The following ADAM2 variants were observed in gnomAD, a reference collection of about 807,000 sequenced individuals.
The protein encoded by ADAM2 is disintegrin and metalloproteinase domain-containing protein 2.
Under a neutral mutation model 99.3 loss-of-function variants are expected in ADAM2, and 101 were observed. The ratio of observed to expected loss-of-function variants is 1.02; its 90% CI spans 0.87 to 1.20. The LOEUF (loss-of-function observed/expected upper bound fraction) is 1.20. ADAM2 is among the 50% of genes most tolerant of loss of function. The pLI, the probability that ADAM2 is intolerant of heterozygous loss-of-function variation, is 0.00. For synonymous variants in ADAM2, 323 were observed against 287.6 expected (o/e 1.12, Z -1.25); for missense variants, 948 against 878.7 (o/e 1.08, Z -1.00).
chr8:39,788,308 T>C (rs2129585382), intron 8 of ADAM2, 57 bp from the exon 9 acceptor site: 1 of 1,143,690 alleles, frequency 8.7e-7, no homozygotes, highest in Admixed American at 2.8e-5. Flanking sequence ...AAAAATTAGA[T>C]ATATATGTTT....
intron 11 of ADAM2, among the ~76,000 whole-genome samples, chr8:39,775,073 C>G (rs972022991): frequency 6.6e-6 from 1 of 152,024 alleles, no homozygotes; most frequent in African/African-American, 2.4e-5. Flanking sequence ...TCTGCGGGGC[C>G]CACAGGAAAA....
intron 19 of ADAM2, 26 bp from the exon 20 acceptor site, chr8:39,744,919 T>C (rs2129582481): frequency 6.5e-7 from 1 of 1,544,986 alleles, no homozygotes; most frequent in Non-Finnish European, 8.9e-7. Flanking sequence ...AAAAATAATA[T>C]TATACTTTCT....
intron 4 of ADAM2, among the ~76,000 whole-genome samples, chr8:39,824,503 A>T (rs1441737880): frequency 2.0e-5 from 3 of 152,092 alleles, no homozygotes; most frequent in African/African-American, 7.2e-5. Context: ...TTCTCCTCAG[A>T]TTTAGCTTTC....
intron 7 of ADAM2, among the ~76,000 whole-genome samples, chr8:39,808,475 C>T (rs1026148102): frequency 6.6e-6 from 1 of 152,014 alleles, no homozygotes; most frequent in African/African-American, 2.4e-5. Context: ...TAGAATATTC[C>T]AAATTGTGAA....
At chr8:39,799,691 G>T (rs879059363) in intron 7 of ADAM2, among the ~76,000 whole-genome samples, 3 of 152,146 alleles carry the variant, frequency 2.0e-5, no homozygotes, top group African/African-American at 4.8e-5. Flanking sequence ...AGATCTCTAA[G>T]AACTTGCTTT....
chr8:39,796,909 A>G (rs572690512), intron 7 of ADAM2, among the ~76,000 whole-genome samples: 5 of 151,950 alleles, frequency 3.3e-5, no homozygotes, highest in African/African-American at 1.2e-4. Flanking sequence ...TCTTGTAAAT[A>G]TGTTTAAGTT....
chr8:39,826,189 A>G (rs1805391081), intron 3 of ADAM2, among the ~76,000 whole-genome samples: 1 of 152,228 alleles, frequency 6.6e-6, no homozygotes, highest in South Asian at 2.1e-4. Flanking sequence ...ACTTCAAACT[A>G]TACTGTATAG....
At chr8:39,814,660 A>C (rs1220260622) in intron 6 of ADAM2, among the ~76,000 whole-genome samples, 1 of 152,092 alleles carries the variant, frequency 6.6e-6, no homozygotes, top group East Asian at 1.9e-4. Context: ...TGATTTATCC[A>C]TCAATAAATA....
chr8:39,749,433 CT>C lies in ADAM2; in HGVS notation c.1892del (p.Lys631SerfsTer34). On this transcript the variant is annotated frameshift_variant, in exon 18 of 21. Coordinates refer to ENST00000265708, the MANE Select transcript of ADAM2 (RefSeq NM_001464.5). LOFTEE classifies it high-confidence loss of function. ...CNDRGVCNNK[K>X]HCHCSASYLP... ...AATATGAAGCACTACAGTGACAGTGCTTTTTGTTATTGCATACCTAAAAGAA... is the reference window on the plus strand; with the variant it reads ...AATATGAAGCACTACAGTGACAGTGCTTTTGTTATTGCATACCTAAAAGAA... 2 of 1,612,806 alleles carry C rather than the reference CT, an allele frequency of 1.2e-6. No homozygotes were observed. The highest frequency in any genetic ancestry group is 1.7e-6 in the Non-Finnish European group (2 of 1,179,268).
chr8:39,773,568 C>A (rs959148066), intron 11 of ADAM2, among the ~76,000 whole-genome samples: 1 of 151,156 alleles, frequency 6.6e-6, no homozygotes, highest in Non-Finnish European at 1.5e-5. Flanking sequence ...TAAAAGAGGG[C>A]ATATCACAAA....
chr8:39,796,256 T>C (rs1429161893), intron 7 of ADAM2, among the ~76,000 whole-genome samples: 2 of 152,082 alleles, frequency 1.3e-5, no homozygotes, highest in South Asian at 2.1e-4. Context: ...GCATTCTCAA[T>C]GTTCAGCTCC....
chr8:39,819,483 TGCCCAGATATTAG>T (rs1368029727), intron 6 of ADAM2, among the ~76,000 whole-genome samples: 6 of 152,102 alleles, frequency 3.9e-5, no homozygotes, highest in Admixed American at 3.9e-4. Context: ...TGGGCCACTG[TGCCCAGATATTAG>T]GTCAAACATT....
chr8:39,749,906 C>A (rs1307585546), intron 16 of ADAM2, among the ~76,000 whole-genome samples, 162 bp from the exon 17 acceptor site: 2 of 151,984 alleles, frequency 1.3e-5, no homozygotes, highest in Non-Finnish European at 2.9e-5. Flanking sequence ...ATGTATTGAG[C>A]TACTATGTTT....
intron 6 of ADAM2, among the ~76,000 whole-genome samples, chr8:39,814,776 T>C (rs190768141): frequency 2.0e-5 from 3 of 151,648 alleles, no homozygotes; most frequent in Admixed American, 2.0e-4. Context: ...AGGAGAAAAT[T>C]TGGACTGGGA....
intron 3 of ADAM2, among the ~76,000 whole-genome samples, chr8:39,831,475 C>T (rs1471264518): frequency 1.3e-5 from 2 of 151,988 alleles, no homozygotes; most frequent in Admixed American, 1.3e-4. Context: ...AATGATAGTT[C>T]CAAACATATG....
chr8:39,835,866 C>A (rs1048447211), intron 2 of ADAM2, among the ~76,000 whole-genome samples: 7 of 151,824 alleles, frequency 4.6e-5, no homozygotes, highest in Non-Finnish European at 1.0e-4. Context: ...TAAAAATAAA[C>A]TAGGCTATTA....
intron 10 of ADAM2, among the ~76,000 whole-genome samples, chr8:39,784,436 A>AG (rs1215622887): frequency 1.3e-5 from 2 of 152,108 alleles, no homozygotes; most frequent in Non-Finnish European, 2.9e-5. Flanking sequence ...GCTGGAGTGC[A>AG]GTGGTGCAGT....
chr8:39,747,167 C>A (rs201974), intron 18 of ADAM2, among the ~76,000 whole-genome samples: 3,349 of 151,912 alleles, frequency 0.022, 128 homozygotes, highest in African/African-American at 0.077. Flanking sequence ...GGTTTATAAT[C>A]CAAATAGTCC....
At chr8:39,788,940 A>T (rs1004931274) in intron 7 of ADAM2, among the ~76,000 whole-genome samples, 200 bp from the exon 8 acceptor site, 2 of 151,588 alleles carry the variant, frequency 1.3e-5, no homozygotes, top group Non-Finnish European at 3.0e-5. Flanking sequence ...ATTGGAATTT[A>T]TATTTTTTCC....
Sources: gnomAD v4.1 joint callset for allele counts (sites outside exome capture counted in the v4.1 genomes callset) on GRCh38, gnomAD v4.1.1 for gene constraint, MANE v1.5 for transcripts, NCBI Gene and HGNC (gene_info 2026-07-23, HGNC 2026-07-21) for gene names.